Variants in CHN1 observed in about 807,000 individuals in gnomAD.
The protein encoded by CHN1 is chimerin 1.
A neutral mutation model predicts 59.5 loss-of-function variants in CHN1; 37 were observed. The observed-to-expected ratio is 0.62, with a 90% CI of 0.48 to 0.82. The LOEUF (loss-of-function observed/expected upper bound fraction) is 0.82, where lower values mean the gene tolerates loss of function less well. CHN1 is among the 40% of genes least tolerant of loss of function. CHN1 has a pLI of 0.00. For missense variants in CHN1, 469 were observed against 571.0 expected, an observed-to-expected ratio of 0.82 and a Z score of 1.82; for synonymous variants, 206 against 200.4, an observed-to-expected ratio of 1.03 and a Z score of -0.24.
At chr2:174,879,709 A>G (rs1687675913) in intron 5 of CHN1, among the ~76,000 whole-genome samples, 1 of 152,200 alleles carries the variant, frequency 6.6e-6, no homozygotes, top group South Asian at 2.1e-4. Context: ...CTACAATAAT[A>G]AACACACATA....
At chr2:174,885,482 T>C (rs1687869651) in intron 5 of CHN1, among the ~76,000 whole-genome samples, 2 of 151,956 alleles carry the variant, frequency 1.3e-5, no homozygotes, top group Non-Finnish European at 2.9e-5. Flanking sequence ...CATTTGGGAG[T>C]AAATAAGTGA....
At chr2:174,876,479 A>G (rs1360322783) in intron 6 of CHN1, among the ~76,000 whole-genome samples, 1 of 152,234 alleles carries the variant, frequency 6.6e-6, no homozygotes, top group East Asian at 1.9e-4. Flanking sequence ...GAACTAGACC[A>G]TGAAAAGAAT....
At chr2:174,948,500 C>T (rs1400717257) in intron 2 of CHN1, among the ~76,000 whole-genome samples, 1 of 152,116 alleles carries the variant, frequency 6.6e-6, no homozygotes, top group Non-Finnish European at 1.5e-5. Flanking sequence ...AATTTTACTT[C>T]CCTATTGGTT....
At chr2:174,842,119 A>G (rs372874650) in intron 7 of CHN1, among the ~76,000 whole-genome samples, 16 of 152,266 alleles carry the variant, frequency 1.1e-4, no homozygotes, top group African/African-American at 3.8e-4. Flanking sequence ...ACAACAACCA[A>G]AGGTCCCCCG....
intron 7 of CHN1, among the ~76,000 whole-genome samples, chr2:174,832,884 T>A (rs1424015549): frequency 6.6e-6 from 1 of 152,132 alleles, no homozygotes; most frequent in Non-Finnish European, 1.5e-5. Context: ...ACTGAATATG[T>A]AACATTAACA....
At chr2:174,997,276 C>T (rs994590483) in intron 1 of CHN1, among the ~76,000 whole-genome samples, 1 of 152,182 alleles carries the variant, frequency 6.6e-6, no homozygotes, top group African/African-American at 2.4e-5. Context: ...AGACCTCGAA[C>T]GTCCTCTGCT....
rs189730588 is a variant in CHN1 at position 174,834,909 on chromosome 2, A to G, written c.628-10391T>C. On this transcript the variant is annotated intron_variant, in intron 7 of 12. Coordinates refer to ENST00000409900, the MANE Select transcript of CHN1 (RefSeq NM_001822.7). ...AAACACATTATGAAGCTGAAATGTG[A>G]AAATAAAACTTAAGAGAAACCAAAC... is the stretch of plus-strand genomic sequence containing the variant. 2.6e-5 allele frequency among the ~76,000 whole-genome samples: 4 copies of G among 152,348 alleles called. No individual in the cohort carries two copies. The East Asian group carries it at 7.7e-4, about 29-fold the overall frequency.
chr2:174,838,353 A>G (rs1300542899), intron 7 of CHN1, among the ~76,000 whole-genome samples: 16 of 152,214 alleles, frequency 1.1e-4, no homozygotes, highest in Non-Finnish European at 1.0e-4. Context: ...TCGGCCTCCC[A>G]AAGTGCTGGG....
At chr2:175,004,777 C>T in intron 1 of CHN1, 117 bp downstream of exon 1, 1 of 411,884 alleles carries the variant, frequency 2.4e-6, no homozygotes, top group Non-Finnish European at 3.3e-6. Context: ...CGGCCCCGGC[C>T]CGCCCCGACC....
intron 3 of CHN1, among the ~76,000 whole-genome samples, chr2:174,923,556 A>T (rs1689079394): frequency 6.6e-6 from 1 of 152,202 alleles, no homozygotes; most frequent in South Asian, 2.1e-4. Flanking sequence ...AAATCATGAG[A>T]TCTTTGCAGG....
intron 1 of CHN1, among the ~76,000 whole-genome samples, chr2:174,994,066 C>T (rs1468720223): frequency 6.6e-6 from 1 of 152,080 alleles, no homozygotes; most frequent in African/African-American, 2.4e-5. Context: ...AAAACATGAA[C>T]AAACCAAGCT....
intron 8 of CHN1, among the ~76,000 whole-genome samples, chr2:174,822,860 G>A (rs1685547096): frequency 6.6e-6 from 1 of 152,222 alleles, no homozygotes; most frequent in South Asian, 2.1e-4. Context: ...ACTCTGAGCT[G>A]AGGCGCTCCC....
Position 175,005,350 on chromosome 2 carries a change from C to G in CHN1, c.-438G>C, listed in dbSNP as rs552312148. 2.6e-6 allele frequency: 3 copies of G among 1,145,410 alleles called. No homozygotes were observed. The East Asian group carries it at 2.2e-4, about 84-fold the overall frequency. 71.0% of individuals were successfully genotyped at this position (1,145,410 alleles called of 1,614,324 possible). A position where few individuals can be genotyped will look rare whatever the true frequency, so the allele number is the denominator to read the frequency against. On this transcript the variant is annotated 5_prime_UTR_variant, in exon 1 of 13. Transcript: ENST00000409900. Reference sequence around the variant, plus strand: ...GCGCTCACTCCGCATCCCGCGGCCTCGCAGACGCCATCTTGCGATAGCGTC... The same window carrying G: ...GCGCTCACTCCGCATCCCGCGGCCTGGCAGACGCCATCTTGCGATAGCGTC...
chr2:174,897,674 C>A (rs546684026), intron 5 of CHN1, among the ~76,000 whole-genome samples: 1 of 152,010 alleles, frequency 6.6e-6, no homozygotes, highest in African/African-American at 2.4e-5. Context: ...ATTTTGAAAA[C>A]AAGCAAACTC....
intron 7 of CHN1, among the ~76,000 whole-genome samples, chr2:174,837,531 A>G (rs1160122435): frequency 6.6e-6 from 1 of 152,164 alleles, no homozygotes; most frequent in African/African-American, 2.4e-5. Flanking sequence ...CTTACAAAAC[A>G]CGCCAGTTCT....
chr2:175,004,241 C>A (rs1378158070), intron 1 of CHN1, among the ~76,000 whole-genome samples: 1 of 152,210 alleles, frequency 6.6e-6, no homozygotes, highest in African/African-American at 2.4e-5. Flanking sequence ...CCACCAAAAG[C>A]AACAGTGCTG....
intron 6 of CHN1, among the ~76,000 whole-genome samples, chr2:174,862,244 T>C (rs1687088195): frequency 6.6e-6 from 1 of 152,138 alleles, no homozygotes; most frequent in Non-Finnish European, 1.5e-5. Context: ...AACCATGTCC[T>C]CAGTTGAATA....
intron 8 of CHN1, among the ~76,000 whole-genome samples, chr2:174,820,892 G>C (rs1300199707): frequency 6.6e-6 from 1 of 152,174 alleles, no homozygotes. Flanking sequence ...ATTTAAAGCA[G>C]CTTTAAACAT....
intron 1 of CHN1, among the ~76,000 whole-genome samples, chr2:174,969,630 T>C (rs1690696276): frequency 6.6e-6 from 1 of 152,206 alleles, no homozygotes; most frequent in African/African-American, 2.4e-5. Context: ...CTACTTCAGT[T>C]CTTGACTTAG....
Sources: allele counts gnomAD v4.1 joint callset (sites outside exome capture counted in the v4.1 genomes callset), GRCh38; gene constraint gnomAD v4.1.1; transcripts MANE v1.5; gene names NCBI Gene and HGNC (gene_info 2026-07-23, HGNC 2026-07-21).